Variants in FMO3 observed in about 807,000 individuals in gnomAD.
FMO3 encodes flavin containing dimethylaniline monoxygenase 3, also known as flavin-containing monooxygenase 3.
A neutral mutation model predicts 39.4 loss-of-function variants in FMO3; 40 were observed. The ratio of observed to expected loss-of-function variants is 1.02; its 90% confidence interval spans 0.79 to 1.32. FMO3 has a LOEUF of 1.32. Among genes scored for constraint, FMO3 ranks in the 40% most tolerant of loss-of-function variants. The pLI is 0.00. For synonymous variants in FMO3, 219 were observed against 228.8 expected, an observed-to-expected ratio of 0.96 and a Z score of 0.39; for missense variants, 680 against 651.8, an observed-to-expected ratio of 1.04 and a Z score of -0.47.
chr1:171,093,413 A>C (rs1278354535), intron 2 of FMO3, among the ~76,000 whole-genome samples: 1 of 151,836 alleles, frequency 6.6e-6, no homozygotes, highest in Non-Finnish European at 1.5e-5. Flanking sequence ...TTCACTTAAG[A>C]TAATGGCCTC....
intron 8 of FMO3, among the ~76,000 whole-genome samples, chr1:171,116,671 G>A (rs1656167789): frequency 6.6e-6 from 1 of 152,108 alleles, no homozygotes; most frequent in South Asian, 2.1e-4. Flanking sequence ...ATATTTCAAA[G>A]GTATACCTCT....
intron 2 of FMO3, among the ~76,000 whole-genome samples, chr1:171,096,947 C>T (rs77873435): frequency 0.058 from 8,679 of 150,036 alleles, 556 homozygotes; most frequent in East Asian, 0.22. Flanking sequence ...CCACTCCCCC[C>T]GCCCCACAAC....
At chr1:171,116,185 T>G in intron 7 of FMO3, 23 bp from the exon 8 acceptor site, 1 of 1,477,302 alleles carries the variant, frequency 6.8e-7, no homozygotes, top group Non-Finnish European at 9.5e-7. Context: ...TTAATTACCA[T>G]CGTGTCTTTC....
chr1:171,109,526 C>CTTTTTTTTTTTTTTTTTTTTTT lies in FMO3; in HGVS notation c.628-1268_628-1247dup, dbSNP rs780479699. ...TAATTAATTGATCCTTTAGTCTCTT[C>CTTTTTTTTTTTTTTTTTTTTTT]TTTTTTTTTTTTTTTTTTTTTTTTT... On this transcript the variant is annotated intron_variant, in intron 5 of 8. Transcript: ENST00000367755. Among the ~76,000 whole-genome samples the CTTTTTTTTTTTTTTTTTTTTTT allele has an allele frequency of 8.5e-5, 5 of 58,994 alleles. 1 individual carries two copies. Among genetic ancestry groups the CTTTTTTTTTTTTTTTTTTTTTT allele is most frequent in the African/African-American group, 1.4e-4 (2 of 14,042 alleles). The allele number at this position is 58,994 out of a possible 152,430, so 38.7% of individuals were successfully genotyped here. A position where few individuals can be genotyped will look rare whatever the true frequency, so the allele number is the denominator to read the frequency against.
intron 6 of FMO3, among the ~76,000 whole-genome samples, chr1:171,112,242 G>A (rs1655945805): frequency 6.6e-6 from 1 of 152,178 alleles, no homozygotes; most frequent in Non-Finnish European, 1.5e-5. Context: ...AAGGACTCTG[G>A]CTTTTACTCT....
At chr1:171,110,140 T>C (rs1024270350) in intron 5 of FMO3, among the ~76,000 whole-genome samples, 4 of 152,122 alleles carry the variant, frequency 2.6e-5, no homozygotes, top group African/African-American at 9.7e-5. Flanking sequence ...GTTAAAGGAA[T>C]TTTTTCAAAT....
At chr1:171,110,706 T>C (rs975060070) in intron 5 of FMO3, 92 bp from the exon 6 acceptor site, 1 of 1,158,250 alleles carries the variant, frequency 8.6e-7, no homozygotes, top group South Asian at 1.2e-5. Flanking sequence ...GCTGGGGTAA[T>C]AGATCCATTC....
intron 3 of FMO3, among the ~76,000 whole-genome samples, chr1:171,105,546 A>G (rs1655600722): frequency 6.6e-6 from 1 of 151,934 alleles, no homozygotes. Context: ...CCTCTCCAGC[A>G]CCTGTTGTTT....
At chr1:171,096,016 T>TATATAAATATATAA (rs1431040753) in intron 2 of FMO3, among the ~76,000 whole-genome samples, 8 of 47,530 alleles carry the variant, frequency 1.7e-4, no homozygotes, top group Non-Finnish European at 2.1e-4. Flanking sequence ...AATATACATA[T>TATATAAATATATAA]TATATATTAA....
chr1:171,113,653 C>T (rs1656009887), intron 6 of FMO3, among the ~76,000 whole-genome samples: 2 of 152,216 alleles, frequency 1.3e-5, no homozygotes, highest in African/African-American at 4.8e-5. Context: ...AAGGTTCCCA[C>T]TGAATAAGTA....
chr1:171,103,590 C>A (rs1655503001), intron 2 of FMO3, among the ~76,000 whole-genome samples, 195 bp from the exon 3 acceptor site: 1 of 152,142 alleles, frequency 6.6e-6, no homozygotes, highest in East Asian at 1.9e-4. Flanking sequence ...TTTAAAGTAT[C>A]TGTATATAGG....
chr1:171,117,509 A>G lies in FMO3; in HGVS notation c.*67A>G. 4 of 1,355,512 alleles carry G rather than the reference A, an allele frequency of 3.0e-6. No homozygotes were observed. The highest frequency in any genetic ancestry group is 4.1e-6 in the Non-Finnish European group (4 of 973,190). 84.0% of individuals were successfully genotyped at this position (1,355,512 alleles called of 1,614,324 possible). ...CCAGACAGGGGCTTTGCTATTTAAA[A>G]ATTAAAATTTTCACACCACCTGCTT... On this transcript the variant is annotated 3_prime_UTR_variant, in exon 9 of 9. Coordinates refer to ENST00000367755, the MANE Select transcript of FMO3 (RefSeq NM_001002294.3).
intron 7 of FMO3, among the ~76,000 whole-genome samples, 165 bp from the exon 8 acceptor site, chr1:171,116,043 A>T (rs1656131357): frequency 6.6e-6 from 1 of 152,220 alleles, no homozygotes; most frequent in Non-Finnish European, 1.5e-5. Flanking sequence ...TTTTTTAATT[A>T]TTATGACAAA....
chr1:171,103,489 A>T (rs1655498292), intron 2 of FMO3, among the ~76,000 whole-genome samples: 1 of 152,222 alleles, frequency 6.6e-6, no homozygotes, highest in Non-Finnish European at 1.5e-5. Context: ...AATAAAAATA[A>T]AAAATCAAAA....
At chr1:171,102,198 T>C (rs1382669988) in intron 2 of FMO3, among the ~76,000 whole-genome samples, 1 of 152,182 alleles carries the variant, frequency 6.6e-6, no homozygotes, top group African/African-American at 2.4e-5. Context: ...TTTGACGTGA[T>C]TGTAATATTC....
chr1:171,108,364 C>A, intron 5 of FMO3, 143 bp downstream of exon 5: 2 of 952,136 alleles, frequency 2.1e-6, no homozygotes, highest in Non-Finnish European at 3.2e-6. Flanking sequence ...CTGAGCTTCC[C>A]CAAGTAACAG....
chr1:171,103,818 A>G lies in FMO3; in HGVS notation c.166A>G (p.Lys56Glu), dbSNP rs1655517355. The change falls in exon 3 of 9, where the codon AAA becomes GAA. Residue 56 changes from lysine to glutamate, a missense_variant. Lys to Glu is a moderately conservative substitution (Grantham distance 56). Coordinates refer to ENST00000367755, the MANE Select transcript of FMO3 (RefSeq NM_001002294.3). The part of the protein sequence containing the change: ...HAEEGRASIY[K>E]SVFSNSSKEM... ...AGAGGAGGGCAGGGCTAGCATTTAC[A>G]AATCAGTCTTTTCCAACTCTTCCAA... The G allele has an allele frequency of 6.2e-7, 1 of 1,613,920 alleles. No individual in the cohort carries two copies. Among genetic ancestry groups the G allele is most frequent in the East Asian group, 2.2e-5 (1 of 44,854 alleles).
At chr1:171,106,496 G>A (rs890210549) in intron 3 of FMO3, among the ~76,000 whole-genome samples, 1 of 152,144 alleles carries the variant, frequency 6.6e-6, no homozygotes, top group South Asian at 2.1e-4. Context: ...GGTCAGTGCT[G>A]TGCTAAATGA....
intron 6 of FMO3, among the ~76,000 whole-genome samples, chr1:171,112,410 C>T (rs1655951240): frequency 6.6e-6 from 1 of 152,098 alleles, no homozygotes; most frequent in Non-Finnish European, 1.5e-5. Flanking sequence ...TCTCAAAAAC[C>T]TGAATCAGAG....
Sources: gnomAD v4.1 joint callset for allele counts (sites outside exome capture counted in the v4.1 genomes callset) on GRCh38, gnomAD v4.1.1 for gene constraint, MANE v1.5 for transcripts, NCBI Gene and HGNC (gene_info 2026-07-23, HGNC 2026-07-21) for gene names.